Variants in HIKESHI observed in about 807,000 individuals in gnomAD.
The protein encoded by HIKESHI is protein Hikeshi.
HIKESHI carries 13 observed loss-of-function variants against 25.7 expected under a neutral mutation model. The observed-to-expected ratio is 0.51, with a 90% CI of 0.33 to 0.80. The LOEUF is 0.80. Among genes scored for constraint, HIKESHI ranks in the 30% least tolerant of loss-of-function variants. The pLI, the probability that HIKESHI is intolerant of heterozygous loss-of-function variation, is 0.02. For missense variants in HIKESHI, 174 were observed against 229.5 expected (o/e 0.76, Z 1.56); for synonymous variants, 76 against 78.7 (o/e 0.97, Z 0.18).
chr11:86,302,629 T>A, intron 1 of HIKESHI, 151 bp downstream of exon 1: 2 of 777,252 alleles, frequency 2.6e-6, no homozygotes, highest in Non-Finnish European at 2.1e-6. Context: ...GGAAGCTGGG[T>A]GCTCTCCTTT....
chr11:86,305,452 T>C (rs1210189004), intron 1 of HIKESHI, among the ~76,000 whole-genome samples: 1 of 150,922 alleles, frequency 6.6e-6, no homozygotes, highest in African/African-American at 2.4e-5. Flanking sequence ...AATGGCGCGA[T>C]CTCAGCTCAC....
intron 2 of HIKESHI, among the ~76,000 whole-genome samples, chr11:86,331,812 G>T (rs2138386133): frequency 6.6e-6 from 1 of 152,216 alleles, no homozygotes; most frequent in East Asian, 1.9e-4. Flanking sequence ...CAATAGAAAT[G>T]AAGCAGGGAG....
intron 3 of HIKESHI, among the ~76,000 whole-genome samples, chr11:86,341,321 C>G (rs1486956315): frequency 6.8e-6 from 1 of 146,162 alleles, no homozygotes; most frequent in African/African-American, 2.5e-5. Flanking sequence ...GATTACATTT[C>G]TTTTCTTGTA....
At chr11:86,344,891 C>A in intron 4 of HIKESHI, 170 bp downstream of exon 4, 3 of 512,590 alleles carry the variant, frequency 5.9e-6, no homozygotes, top group Non-Finnish European at 9.9e-6. Context: ...ACAGTTCTTA[C>A]CCTAAATATT....
intron 2 of HIKESHI, among the ~76,000 whole-genome samples, chr11:86,310,658 C>T (rs1479454190): frequency 6.6e-6 from 1 of 152,162 alleles, no homozygotes; most frequent in African/African-American, 2.4e-5. Flanking sequence ...AAAGGGAATG[C>T]TTCCAGTTTT....
chr11:86,339,903 AC>A (rs1261339563), intron 3 of HIKESHI, among the ~76,000 whole-genome samples: 1 of 64,736 alleles, frequency 1.5e-5, no homozygotes, highest in African/African-American at 5.8e-5. Context: ...CCTGCCCCCC[AC>A]CCCAAGACAG....
intron 2 of HIKESHI, among the ~76,000 whole-genome samples, chr11:86,331,891 A>C (rs1348539697): frequency 2.0e-5 from 3 of 151,942 alleles, no homozygotes; most frequent in African/African-American, 7.3e-5. Context: ...GGCATATTTA[A>C]GTTGTTTCTG....
chr11:86,317,430 T>C (rs567010130), intron 2 of HIKESHI, among the ~76,000 whole-genome samples: 15 of 152,268 alleles, frequency 9.9e-5, no homozygotes, highest in African/African-American at 3.6e-4. Context: ...AAATTAATGA[T>C]GGAAAACAAA....
intron 3 of HIKESHI, chr11:86,344,256 T>C (rs1947810246): frequency 5.6e-6 from 1 of 180,032 alleles, no homozygotes; most frequent in Non-Finnish European, 1.1e-5. Flanking sequence ...TTTTTCTTTT[T>C]TTTTCCCCAA....
chr11:86,335,720 A>G (rs1947536613), intron 2 of HIKESHI, among the ~76,000 whole-genome samples: 1 of 152,252 alleles, frequency 6.6e-6, no homozygotes, highest in Admixed American at 6.5e-5. Context: ...CTGGCCACAC[A>G]TAACAAAGAA....
chr11:86,344,761 T>C, intron 4 of HIKESHI, 40 bp downstream of exon 4: 1 of 1,238,344 alleles, frequency 8.1e-7, no homozygotes, highest in South Asian at 1.2e-5. Flanking sequence ...AGGCTTTTTA[T>C]AACTGAATAT....
chr11:86,308,136 G>GTAAAATATATTGTA (rs1346828748), intron 2 of HIKESHI, among the ~76,000 whole-genome samples: 4 of 87,444 alleles, frequency 4.6e-5, no homozygotes, highest in African/African-American at 1.7e-4. Context: ...TGTATTACAT[G>GTAAAATATATTGTA]TAAAATATAT....
chr11:86,333,212 A>G (rs1947466210), intron 2 of HIKESHI, among the ~76,000 whole-genome samples: 2 of 152,150 alleles, frequency 1.3e-5, no homozygotes, highest in African/African-American at 2.4e-5. Context: ...TAAAAATTTG[A>G]TGATTGAACA....
intron 2 of HIKESHI, among the ~76,000 whole-genome samples, chr11:86,322,958 G>A (rs1488100087): frequency 6.6e-6 from 1 of 152,188 alleles, no homozygotes; most frequent in Admixed American, 6.5e-5. Flanking sequence ...GCTGGGCACG[G>A]TAGCTCATGC....
At chr11:86,320,478 A>G (rs1947119077) in intron 2 of HIKESHI, among the ~76,000 whole-genome samples, 1 of 152,228 alleles carries the variant, frequency 6.6e-6, no homozygotes, top group Non-Finnish European at 1.5e-5. Context: ...CGGGAGGCTG[A>G]GGCAGGAGAA....
At chr11:86,312,717 A>G (rs1946865478) in intron 2 of HIKESHI, among the ~76,000 whole-genome samples, 1 of 152,074 alleles carries the variant, frequency 6.6e-6, no homozygotes, top group Non-Finnish European at 1.5e-5. Flanking sequence ...TTTTATGTTT[A>G]GTGCTTCCTT....
At chr11:86,328,007 G>A (rs865906182) in intron 2 of HIKESHI, among the ~76,000 whole-genome samples, 1 of 152,046 alleles carries the variant, frequency 6.6e-6, no homozygotes, top group Non-Finnish European at 1.5e-5. Flanking sequence ...AGTGTACTTC[G>A]TACTACATGA....
intron 2 of HIKESHI, among the ~76,000 whole-genome samples, chr11:86,327,372 T>G (rs374594461): frequency 1.3e-5 from 2 of 152,092 alleles, no homozygotes; most frequent in East Asian, 3.9e-4. Flanking sequence ...TAGAGCGTAG[T>G]GGCGCAATCT....
intron 2 of HIKESHI, among the ~76,000 whole-genome samples, chr11:86,314,843 G>C (rs1187650908): frequency 2.6e-5 from 4 of 152,086 alleles, no homozygotes; most frequent in Non-Finnish European, 5.9e-5. Flanking sequence ...AACATCACCT[G>C]GGAATCTGTT....
Sources: gnomAD v4.1 joint callset for allele counts (sites outside exome capture counted in the v4.1 genomes callset) on GRCh38, gnomAD v4.1.1 for gene constraint, MANE v1.5 for transcripts, NCBI Gene and HGNC (gene_info 2026-07-23, HGNC 2026-07-21) for gene names.